Variants in ARPP21 observed in about 807,000 individuals in gnomAD.
The protein encoded by ARPP21 is cAMP regulated phosphoprotein 21.
A neutral mutation model predicts 113.2 loss-of-function variants in ARPP21; 69 were observed. That is an observed-to-expected ratio of 0.61 (90% confidence interval 0.50 to 0.74). The LOEUF is 0.74. Ranked by LOEUF, ARPP21 falls within the 30% of genes least tolerant of loss-of-function variation. The pLI is 0.00. For synonymous variants in ARPP21, 368 were observed against 375.5 expected, an observed-to-expected ratio of 0.98 and a Z score of 0.23; for missense variants, 1,070 against 1,037.4, an observed-to-expected ratio of 1.03 and a Z score of -0.43.
At chr3:35,659,659 G>T (rs1401506704) in intron 1 of ARPP21, among the ~76,000 whole-genome samples, 1 of 152,174 alleles carries the variant, frequency 6.6e-6, no homozygotes, top group East Asian at 1.9e-4. Flanking sequence ...AACAGATCAT[G>T]AAAAGTGGGC....
intron 17 of ARPP21, 55 bp from the exon 18 acceptor site, chr3:35,739,262 C>A: frequency 6.3e-7 from 1 of 1,582,146 alleles, no homozygotes; most frequent in Non-Finnish European, 8.6e-7. Flanking sequence ...CAGAGTGCCT[C>A]TCTTATTACC....
At chr3:35,650,181 A>G (rs575977883) in intron 1 of ARPP21, 2 of 152,270 alleles carry the variant, frequency 1.3e-5, no homozygotes, top group African/African-American at 2.4e-5. Context: ...TCGAGAACAC[A>G]TTGTTTCAAA....
intron 19 of ARPP21, among the ~76,000 whole-genome samples, chr3:35,761,365 G>A (rs2095770419): frequency 6.6e-6 from 1 of 152,000 alleles, no homozygotes. Context: ...GCAGTTTTTG[G>A]CTACTTTTAA....
Position 35,682,798 on chromosome 3 carries a change from G to A in ARPP21, c.130-50G>A, listed in dbSNP as rs202211372. On this transcript the variant is annotated intron_variant, in intron 3 of 20. Transcript: ENST00000684406. ...TCTCTCGGTTGTTGATTTACTGTTC[G>A]TTTTTGTTTGTTTTATTTTATTTTG... The A allele has an allele frequency of 1.2e-4, 190 of 1,537,704 alleles. 1 individual carries two copies. Among genetic ancestry groups the A allele is most frequent in the South Asian group, 7.9e-4 (67 of 84,922 alleles).
At chr3:35,739,775 T>C (rs1376669636) in intron 18 of ARPP21, among the ~76,000 whole-genome samples, 198 bp downstream of exon 18, 1 of 152,206 alleles carries the variant, frequency 6.6e-6, no homozygotes, top group Non-Finnish European at 1.5e-5. Context: ...GTGAGTTGAA[T>C]GAAACTGATC....
intron 1 of ARPP21, among the ~76,000 whole-genome samples, chr3:35,665,567 G>T (rs901219172): frequency 2.0e-5 from 3 of 152,102 alleles, no homozygotes; most frequent in Non-Finnish European, 4.4e-5. Context: ...GAGTTGTTTT[G>T]TATAGTGAAA....
chr3:35,654,436 G>T (rs1485702607), intron 1 of ARPP21, among the ~76,000 whole-genome samples: 3 of 152,092 alleles, frequency 2.0e-5, no homozygotes, highest in Non-Finnish European at 4.4e-5. Flanking sequence ...TGGGGGAGAA[G>T]TAACACCAGA....
At chr3:35,744,358 A>T (rs1210476338) in intron 19 of ARPP21, 1 of 397,126 alleles carries the variant, frequency 2.5e-6, no homozygotes, top group Non-Finnish European at 4.9e-6. Context: ...ATATCGTGCT[A>T]AAAGATACTG....
At chr3:35,671,169 G>A (rs1007171338) in intron 1 of ARPP21, among the ~76,000 whole-genome samples, 6 of 151,986 alleles carry the variant, frequency 3.9e-5, no homozygotes, top group African/African-American at 9.7e-5. Context: ...TCTGCAACCC[G>A]CTCTTCAGCA....
At chr3:35,749,334 A>T (rs2095312331) in intron 19 of ARPP21, among the ~76,000 whole-genome samples, 1 of 150,626 alleles carries the variant, frequency 6.6e-6, no homozygotes, top group Non-Finnish European at 1.5e-5. Context: ...TTCCTTTTAA[A>T]TGGTTTCCAA....
intron 1 of ARPP21, among the ~76,000 whole-genome samples, chr3:35,676,540 G>A (rs2077542509): frequency 1.3e-5 from 1 of 74,518 alleles, no homozygotes; most frequent in Non-Finnish European, 3.0e-5. Flanking sequence ...GCATTTTCAT[G>A]ATGGCTCAAG....
intron 19 of ARPP21, among the ~76,000 whole-genome samples, chr3:35,751,571 C>G (rs1372025762): frequency 1.3e-5 from 2 of 152,120 alleles, no homozygotes; most frequent in African/African-American, 4.8e-5. Flanking sequence ...TCTTTACTCA[C>G]TCTTTTCACT....
chr3:35,726,939 A>G (rs1055352221), intron 14 of ARPP21, among the ~76,000 whole-genome samples: 1 of 152,236 alleles, frequency 6.6e-6, no homozygotes, highest in Non-Finnish European at 1.5e-5. Context: ...CGTAGCATCA[A>G]ATTATACACA....
chr3:35,715,349 G>A, intron 11 of ARPP21, 90 bp from the exon 12 acceptor site: 1 of 1,026,296 alleles, frequency 9.7e-7, no homozygotes, highest in Non-Finnish European at 1.5e-6. Flanking sequence ...TCCCCTATGA[G>A]GGGAAAGTTA....
At chr3:35,655,817 C>A (rs1268475148) in intron 1 of ARPP21, among the ~76,000 whole-genome samples, 1 of 152,032 alleles carries the variant, frequency 6.6e-6, no homozygotes, top group Non-Finnish European at 1.5e-5. Flanking sequence ...ACATCATATA[C>A]ATGAGAATCA....
rs566740705 is a variant in ARPP21 at position 35,694,107 on chromosome 3, A to G, written c.686+3102A>G. ...TTATTGGCTAGAATTTATTTCCCAGAATCCTGATTTTCTAGATGATAGGCA... is the reference window on the plus strand; with the variant it reads ...TTATTGGCTAGAATTTATTTCCCAGGATCCTGATTTTCTAGATGATAGGCA... On this transcript the variant is annotated intron_variant, in intron 9 of 20. Transcript: ENST00000684406. Among the ~76,000 whole-genome samples, 15 of 151,700 alleles carry G rather than the reference A, an allele frequency of 9.9e-5. No individual in the cohort carries two copies. In the South Asian group the frequency reaches 2.9e-3, roughly 29 times the overall value.
At chr3:35,655,892 T>C (rs1704627911) in intron 1 of ARPP21, among the ~76,000 whole-genome samples, 1 of 152,004 alleles carries the variant, frequency 6.6e-6, no homozygotes, top group African/African-American at 2.4e-5. Flanking sequence ...CCCAAGTATA[T>C]GCATTTCTAA....
At chr3:35,778,204 A>G (rs1268133192) in intron 19 of ARPP21, among the ~76,000 whole-genome samples, 1 of 152,180 alleles carries the variant, frequency 6.6e-6, no homozygotes, top group Non-Finnish European at 1.5e-5. Context: ...ATGGAAACAT[A>G]TTTCTGTAAT....
intron 19 of ARPP21, among the ~76,000 whole-genome samples, chr3:35,780,138 A>G (rs1169918288): frequency 6.6e-6 from 1 of 152,082 alleles, no homozygotes; most frequent in Non-Finnish European, 1.5e-5. Context: ...TTTATTTGCT[A>G]GCTTTTTTTC....
Sources: gnomAD v4.1 joint callset for allele counts (sites outside exome capture counted in the v4.1 genomes callset) on GRCh38, gnomAD v4.1.1 for gene constraint, MANE v1.5 for transcripts, NCBI Gene and HGNC (gene_info 2026-07-23, HGNC 2026-07-21) for gene names.